Variants in RGS6 observed in about 807,000 individuals in gnomAD.
RGS6 encodes the protein regulator of G protein signaling 6, also known as regulator of G-protein signaling 6.
In RGS6, 30 loss-of-function variants were observed where a neutral mutation model predicts 78.5. That is an observed-to-expected ratio of 0.38 (90% CI 0.29 to 0.52). RGS6 has a LOEUF of 0.52. Ranked by LOEUF, RGS6 falls within the 20% of genes least tolerant of loss-of-function variation. The pLI is 0.85. For synonymous variants in RGS6, 206 were observed against 206.0 expected (o/e 1.00, Z 0.00); for missense variants, 495 against 609.7 (o/e 0.81, Z 1.98).
chr14:72,203,759 G>T (rs1202291600), intron 2 of RGS6, among the ~76,000 whole-genome samples: 10 of 151,180 alleles, frequency 6.6e-5, no homozygotes, highest in Non-Finnish European at 1.5e-4. Context: ...CATTGAAAAA[G>T]ATTTTTGTGT....
chr14:72,093,062 A>G (rs1316723960), intron 2 of RGS6, among the ~76,000 whole-genome samples: 2 of 151,474 alleles, frequency 1.3e-5, no homozygotes, highest in South Asian at 2.1e-4. Flanking sequence ...GTGTGTGTGT[A>G]TAAAGAATAC....
chr14:72,354,257 C>T (rs775125358), intron 3 of RGS6, among the ~76,000 whole-genome samples: 2 of 152,072 alleles, frequency 1.3e-5, no homozygotes, highest in African/African-American at 2.4e-5. Flanking sequence ...CAGGTACCAT[C>T]ATAGGTTCTG....
At chr14:72,301,758 G>A (rs2066116238) in intron 2 of RGS6, among the ~76,000 whole-genome samples, 1 of 152,106 alleles carries the variant, frequency 6.6e-6, no homozygotes, top group African/African-American at 2.4e-5. Flanking sequence ...TCCTTGGCTT[G>A]TAGAAGCATC....
At chr14:72,402,137 C>A (rs2092469636) in intron 3 of RGS6, among the ~76,000 whole-genome samples, 1 of 152,258 alleles carries the variant, frequency 6.6e-6, no homozygotes, top group African/African-American at 2.4e-5. Context: ...GTGCTGCCTC[C>A]CCTTGGCTGA....
intron 2 of RGS6, among the ~76,000 whole-genome samples, chr14:72,341,057 G>A (rs1355012195): frequency 6.6e-6 from 1 of 152,134 alleles, no homozygotes; most frequent in Non-Finnish European, 1.5e-5. Flanking sequence ...TATAGAACAT[G>A]GGTATTAGTT....
chr14:72,167,314 A>T (rs1010852291), intron 2 of RGS6, among the ~76,000 whole-genome samples: 4 of 152,252 alleles, frequency 2.6e-5, no homozygotes, highest in African/African-American at 9.6e-5. Flanking sequence ...CATCTAAGTC[A>T]GTGAGGGAGA....
At chr14:72,448,437 A>G (rs183771381) in intron 3 of RGS6, among the ~76,000 whole-genome samples, 134 of 152,244 alleles carry the variant, frequency 8.8e-4, no homozygotes, top group Non-Finnish European at 1.6e-3. Flanking sequence ...TCCAAAGCCC[A>G]GTTTAACATT....
At chr14:72,528,388 A>G (rs1337617596) in intron 15 of RGS6, among the ~76,000 whole-genome samples, 1 of 152,146 alleles carries the variant, frequency 6.6e-6, no homozygotes, top group Non-Finnish European at 1.5e-5. Flanking sequence ...TCGGGGTAAC[A>G]TCCCTCCACT....
At chr14:72,433,699 A>G (rs149099590) in intron 3 of RGS6, among the ~76,000 whole-genome samples, 1 of 152,148 alleles carries the variant, frequency 6.6e-6, no homozygotes, top group East Asian at 1.9e-4. Context: ...TTCCGAGTGT[A>G]CAAGATGACT....
the RGS6 span, among the ~76,000 whole-genome samples, chr14:72,593,377 T>G: frequency 8.1e-6 from 1 of 124,012 alleles, no homozygotes; most frequent in Admixed American, 7.8e-5. Flanking sequence ...GTCGTCTATG[T>G]TTTTTTGTTT....
intron 2 of RGS6, among the ~76,000 whole-genome samples, chr14:72,273,132 CA>C (rs776425541): frequency 1.5e-4 from 19 of 122,838 alleles, no homozygotes; most frequent in South Asian, 2.6e-4. Context: ...AACTCCATCT[CA>C]AAAAAAAAAA....
At chr14:72,346,298 A>G (rs1351507258) in intron 2 of RGS6, among the ~76,000 whole-genome samples, 1 of 148,620 alleles carries the variant, frequency 6.7e-6, no homozygotes, top group Non-Finnish European at 1.5e-5. Context: ...GAATTTATAG[A>G]AAAAAAATTA....
At chr14:72,109,070 T>A (rs8019728) in intron 2 of RGS6, among the ~76,000 whole-genome samples, 65,280 of 151,822 alleles carry the variant, frequency 0.43, 14,424 homozygotes, top group Admixed American at 0.48. Flanking sequence ...TAATTTTTTT[T>A]AAAAAACTTG....
At chr14:72,472,705 A>G (rs1478308324) in intron 8 of RGS6, among the ~76,000 whole-genome samples, 167 bp from the exon 9 acceptor site, 2 of 151,576 alleles carry the variant, frequency 1.3e-5, no homozygotes, top group Non-Finnish European at 2.9e-5. Flanking sequence ...TCGGGGGGGG[A>G]ATTATACACC....
intron 2 of RGS6, among the ~76,000 whole-genome samples, chr14:72,230,451 G>A (rs1165349072): frequency 2.6e-5 from 4 of 152,198 alleles, no homozygotes; most frequent in African/African-American, 9.7e-5. Flanking sequence ...TTGAGGGTTT[G>A]AAGGATGAGA....
At chr14:72,184,290 C>G (rs529009045) in intron 2 of RGS6, among the ~76,000 whole-genome samples, 1 of 150,998 alleles carries the variant, frequency 6.6e-6, no homozygotes, top group Admixed American at 6.6e-5. Flanking sequence ...TTACAAATAC[C>G]TTCTTTAAGC....
chr14:72,104,946 A>G (rs974072123), intron 2 of RGS6, among the ~76,000 whole-genome samples: 30 of 152,224 alleles, frequency 2.0e-4, no homozygotes, highest in Non-Finnish European at 3.5e-4. Context: ...TCATTTGTTT[A>G]GATTATTAAA....
At chr14:72,270,749 CA>C (rs978274742) in intron 2 of RGS6, among the ~76,000 whole-genome samples, 8 of 152,180 alleles carry the variant, frequency 5.3e-5, no homozygotes, top group Non-Finnish European at 1.2e-4. Flanking sequence ...TATAATACAT[CA>C]AAGGCCATGA....
intron 2 of RGS6, among the ~76,000 whole-genome samples, chr14:72,163,482 G>C (rs1284150066): frequency 6.6e-6 from 1 of 152,238 alleles, no homozygotes; most frequent in Admixed American, 6.5e-5. Context: ...AGATTGGTGA[G>C]GCTTTGGCCT....
Sources: gnomAD v4.1 joint callset for allele counts (sites outside exome capture counted in the v4.1 genomes callset) on GRCh38, gnomAD v4.1.1 for gene constraint, MANE v1.5 for transcripts, NCBI Gene and HGNC (gene_info 2026-07-23, HGNC 2026-07-21) for gene names.